The following DOCK9 variants were observed in gnomAD, a reference collection of about 807,000 sequenced individuals.
The protein encoded by DOCK9 is dedicator of cytokinesis 9, also known as dedicator of cytokinesis protein 9.
A neutral mutation model predicts 263.3 loss-of-function variants in DOCK9; 89 were observed. That is an observed-to-expected ratio of 0.34 (90% CI 0.28 to 0.40). DOCK9 has a LOEUF of 0.40. DOCK9 is among the 10% of genes least tolerant of loss of function. The pLI, the probability that DOCK9 is intolerant of heterozygous loss-of-function variation, is 1.00. For synonymous variants in DOCK9, 976 were observed against 973.1 expected (o/e 1.00, Z -0.06); for missense variants, 2,140 against 2,603.4 (o/e 0.82, Z 3.87).
chr13:98,865,195 T>C (rs1226996612), intron 30 of DOCK9, among the ~76,000 whole-genome samples: 1 of 152,190 alleles, frequency 6.6e-6, no homozygotes, highest in East Asian at 1.9e-4. Flanking sequence ...GCCTCCCATG[T>C]AGCTGAGGCT....
chr13:98,841,418 A>G (rs2093206857), intron 38 of DOCK9, among the ~76,000 whole-genome samples: 1 of 152,162 alleles, frequency 6.6e-6, no homozygotes, highest in African/African-American at 2.4e-5. Context: ...GACTTTAAAC[A>G]TACACTGTAT....
chr13:98,894,216 C>T (rs987249155), intron 15 of DOCK9, among the ~76,000 whole-genome samples: 4 of 152,212 alleles, frequency 2.6e-5, no homozygotes, highest in African/African-American at 9.7e-5. Flanking sequence ...ACTTCTGAGA[C>T]AGGGCTCCAA....
At chr13:98,872,222 C>G (rs1024378520) in intron 27 of DOCK9, among the ~76,000 whole-genome samples, 17 of 152,140 alleles carry the variant, frequency 1.1e-4, no homozygotes, top group Non-Finnish European at 2.2e-4. Context: ...TGCTTTCCGA[C>G]GTAAATAAGA....
chr13:99,076,828 G>C (rs546845981), intron 1 of DOCK9, among the ~76,000 whole-genome samples: 1 of 152,260 alleles, frequency 6.6e-6, no homozygotes, highest in East Asian at 1.9e-4. Context: ...AGTCCAGGGA[G>C]GGAAAAAGAC....
chr13:98,829,855 A>C lies in DOCK9; in HGVS notation c.4636-99T>G. ...TAGGATGTGCCTAAGGACCCAGCAA[A>C]GTGGGGGTTGGGGGGTGCTTTGAGC... is the stretch of plus-strand genomic sequence containing the variant. On this transcript the variant is annotated intron_variant, in intron 41 of 52. Coordinates refer to ENST00000682017, the MANE Select transcript of DOCK9 (RefSeq NM_001366683.2). This position sits in a 1 kb window ranked among gnomAD's most constrained non-coding sequence, Gnocchi z 4.1. The C allele has an allele frequency of 2.0e-6, 2 of 1,016,956 alleles. No homozygotes were observed. Among genetic ancestry groups the C allele is most frequent in the East Asian group, 2.6e-5 (1 of 38,246 alleles). 63.0% of individuals were successfully genotyped at this position (1,016,956 alleles called of 1,614,324 possible).
In DOCK9 at chr13:99,007,386, C is replaced by CA. The variant is rs564702285; in HGVS notation, c.130-51836dup. Reference sequence around the variant, plus strand: ...CTGGTGACGGAAGAAGACTCCATCTCAAAAAAAATAAAAATAAAAATTTAA... The same window carrying CA: ...CTGGTGACGGAAGAAGACTCCATCTCAAAAAAAAATAAAAATAAAAATTTAA... On this transcript the variant is annotated intron_variant, in intron 1 of 32. Coordinates refer to the DOCK9 transcript ENST00000427887. 2.2e-3 allele frequency among the ~76,000 whole-genome samples: 324 copies of CA among 149,670 alleles called. 1 individual carries two copies. Among genetic ancestry groups the CA allele is most frequent in the African/African-American group, 7.1e-3 (291 of 40,778 alleles).
upstream of DOCK9, among the ~76,000 whole-genome samples, chr13:98,978,402 G>C (rs1875903651): frequency 6.6e-6 from 1 of 152,174 alleles, no homozygotes; most frequent in South Asian, 2.1e-4. Flanking sequence ...TTTCATTTGT[G>C]TTATGGTTAA....
chr13:99,058,427 G>T (rs914922685), intron 1 of DOCK9, among the ~76,000 whole-genome samples: 3 of 152,164 alleles, frequency 2.0e-5, no homozygotes, highest in Non-Finnish European at 4.4e-5. Flanking sequence ...CTCCCCAAGT[G>T]CTGGGATTAT....
chr13:98,894,711 T>C (rs908504885), intron 15 of DOCK9, among the ~76,000 whole-genome samples: 1 of 151,886 alleles, frequency 6.6e-6, no homozygotes, highest in African/African-American at 2.4e-5. Context: ...TATGATAATA[T>C]AGTATGTATG....
chr13:98,838,705 AC>A (rs1272551583), intron 38 of DOCK9, among the ~76,000 whole-genome samples: 3 of 152,258 alleles, frequency 2.0e-5, no homozygotes, highest in Non-Finnish European at 4.4e-5. Flanking sequence ...CAAAGATGTT[AC>A]AGTATTGATC....
intron 21 of DOCK9, among the ~76,000 whole-genome samples, chr13:98,884,283 A>AG (rs1356910997): frequency 1.3e-5 from 2 of 152,376 alleles, no homozygotes; most frequent in East Asian, 3.9e-4. Flanking sequence ...GCACAGGCAA[A>AG]GGGTCAATCG....
At chr13:98,881,287 A>G (rs1243110449) in intron 25 of DOCK9, among the ~76,000 whole-genome samples, 2 of 152,240 alleles carry the variant, frequency 1.3e-5, no homozygotes, top group African/African-American at 2.4e-5. Context: ...ACAACTTAAA[A>G]TTCTTCTTTA....
At chr13:99,018,255 G>A (rs541119981) in intron 1 of DOCK9, among the ~76,000 whole-genome samples, 1 of 152,264 alleles carries the variant, frequency 6.6e-6, no homozygotes, top group South Asian at 2.1e-4. Flanking sequence ...ACTGATTAAT[G>A]GTGTTCTCAA....
intron 1 of DOCK9, among the ~76,000 whole-genome samples, chr13:98,990,147 T>G (rs935992388): frequency 1.3e-5 from 2 of 152,194 alleles, no homozygotes; most frequent in Admixed American, 1.3e-4. Flanking sequence ...CTAAAAGCAA[T>G]GAACCAATCT....
At chr13:98,956,069 A>T (rs2058025509) in intron 1 of DOCK9, among the ~76,000 whole-genome samples, 3 of 152,234 alleles carry the variant, frequency 2.0e-5, no homozygotes, top group Non-Finnish European at 4.4e-5. Flanking sequence ...TTAATATGTA[A>T]TACCTAAAGG....
Position 98,888,184 on chromosome 13 carries a change from C to T in DOCK9, c.2017G>A (p.Asp673Asn). 1 of 1,608,802 alleles carries T rather than the reference C, an allele frequency of 6.2e-7. No individual in the cohort carries two copies. The highest frequency in any genetic ancestry group is 8.5e-7 in the Non-Finnish European group (1 of 1,177,438). ...TTAAGGGGCTGAGAGTCTTCCTCAT[C>T]TGAATCTTTGAATTCAATGCAAATC... ...IAICIEFKDSDEEDSQPLKCI... is the reference protein window; with the variant it reads ...IAICIEFKDSNEEDSQPLKCI... The change falls in exon 18 of 53, where the codon GAT becomes AAT. Residue 673 changes from aspartate to asparagine, a missense_variant. By Grantham distance (23) the Asp-to-Asn change is conservative. This residue lies in a region of DOCK9 where 1,521 missense variants were observed against 1,741.7 expected (regional missense o/e 0.87). Transcript: ENST00000682017.
chr13:99,042,134 C>A (rs760411472), intron 1 of DOCK9, among the ~76,000 whole-genome samples: 24 of 152,178 alleles, frequency 1.6e-4, no homozygotes, highest in Admixed American at 2.0e-4. Flanking sequence ...TTTCTGGTGG[C>A]CTTTAATTGG....
chr13:98,976,931 C>T (rs1301998668), intron 1 of DOCK9, among the ~76,000 whole-genome samples: 1 of 95,010 alleles, frequency 1.1e-5, no homozygotes, highest in African/African-American at 4.0e-5. Flanking sequence ...TGAACCTCCA[C>T]GTTAAAGAAA....
intron 1 of DOCK9, among the ~76,000 whole-genome samples, chr13:98,989,000 C>T (rs1440454316): frequency 6.6e-6 from 1 of 152,176 alleles, no homozygotes; most frequent in East Asian, 1.9e-4. Context: ...CACACCCTGG[C>T]CCTTCCTCAC....
Sources: allele counts gnomAD v4.1 joint callset (sites outside exome capture counted in the v4.1 genomes callset), GRCh38; gene constraint gnomAD v4.1.1; regional missense constraint gnomAD v4.1.1; non-coding constraint Gnocchi (gnomAD v3.1); transcripts MANE v1.5; gene names NCBI Gene and HGNC (gene_info 2026-07-23, HGNC 2026-07-21).